RALYL: variants seen among roughly 807,000 people sequenced by gnomAD.
The protein encoded by RALYL is RALY RNA binding protein like, also known as RNA-binding Raly-like protein.
Under a neutral mutation model 35.1 loss-of-function variants are expected in RALYL, and 29 were observed. The observed-to-expected ratio is 0.83, with a 90% CI of 0.61 to 1.13. The LOEUF is 1.13. Ranked by LOEUF, RALYL falls within the 50% of genes most tolerant of loss-of-function variation. The pLI is 0.00. For synonymous variants in RALYL, 120 were observed against 127.6 expected (o/e 0.94, Z 0.40); for missense variants, 359 against 360.4 (o/e 1.00, Z 0.03).
chr8:84,428,018 A>G (rs561235540), intron 1 of RALYL, among the ~76,000 whole-genome samples: 6 of 152,134 alleles, frequency 3.9e-5, no homozygotes, highest in African/African-American at 1.2e-4. Flanking sequence ...AAAGATTGCC[A>G]GAGAGACTTT....
At chr8:84,752,976 C>T (rs1287195333) in intron 2 of RALYL, among the ~76,000 whole-genome samples, 1 of 152,148 alleles carries the variant, frequency 6.6e-6, no homozygotes, top group Non-Finnish European at 1.5e-5. Flanking sequence ...CACTGCCCTC[C>T]AGCCCCCAGA....
At chr8:84,541,302 G>C (rs775981599) in intron 2 of RALYL, among the ~76,000 whole-genome samples, 21 of 151,734 alleles carry the variant, frequency 1.4e-4, no homozygotes, top group Non-Finnish European at 2.7e-4. Context: ...CATATTTTCA[G>C]AATCATTTAG....
At chr8:84,649,753 T>C (rs1346879625) in intron 2 of RALYL, among the ~76,000 whole-genome samples, 3 of 152,146 alleles carry the variant, frequency 2.0e-5, no homozygotes, top group Non-Finnish European at 4.4e-5. Flanking sequence ...AGGATTGACT[T>C]GGTGATGTGG....
chr8:84,479,085 C>CAA (rs56799862), intron 1 of RALYL, among the ~76,000 whole-genome samples: 284 of 21,826 alleles, frequency 0.013, 99 homozygotes, highest in Non-Finnish European at 0.02. Flanking sequence ...GACTCCGTCT[C>CAA]AAAAAAAAAA....
chr8:84,203,147 GTGTT>G (rs919033525), intron 1 of RALYL, among the ~76,000 whole-genome samples: 1 of 152,168 alleles, frequency 6.6e-6, no homozygotes, highest in Non-Finnish European at 1.5e-5. Flanking sequence ...CATAAGGAGA[GTGTT>G]TGATAATGTG....
At chr8:84,204,689 A>G (rs1423404472) in intron 1 of RALYL, among the ~76,000 whole-genome samples, 2 of 152,186 alleles carry the variant, frequency 1.3e-5, no homozygotes, top group Admixed American at 1.3e-4. Context: ...TCCTAAATGT[A>G]TCTACTTTGT....
chr8:84,686,324 G>T (rs1404966479), intron 2 of RALYL, among the ~76,000 whole-genome samples: 4 of 152,104 alleles, frequency 2.6e-5, no homozygotes, highest in Non-Finnish European at 5.9e-5. Flanking sequence ...GCATAGAGGG[G>T]ACCAAGTGTG....
intron 2 of RALYL, among the ~76,000 whole-genome samples, chr8:84,707,395 C>CTT (rs1336346643): frequency 6.6e-6 from 1 of 152,086 alleles, no homozygotes; most frequent in African/African-American, 2.4e-5. Flanking sequence ...CATCTTGTGC[C>CTT]TTTACTCCTG....
intron 4 of RALYL, among the ~76,000 whole-genome samples, chr8:84,835,717 C>T (rs548156596): frequency 1.1e-3 from 172 of 150,514 alleles, no homozygotes; most frequent in Non-Finnish European, 2.2e-3. Context: ...GGACATACTT[C>T]CAGCAGAAAG....
At chr8:84,653,477 A>G (rs1333404743) in intron 2 of RALYL, among the ~76,000 whole-genome samples, 2 of 152,026 alleles carry the variant, frequency 1.3e-5, no homozygotes, top group Non-Finnish European at 2.9e-5. Context: ...CCTGAAGCAT[A>G]TTAAGCTCCC....
intron 1 of RALYL, among the ~76,000 whole-genome samples, chr8:84,428,098 T>TCA (rs1290376461): frequency 1.2e-4 from 16 of 135,876 alleles, no homozygotes; most frequent in African/African-American, 4.2e-4. Context: ...TCTCTCTCTC[T>TCA]CTCTCTCTCA....
chr8:84,397,894 T>A (rs73302504), intron 1 of RALYL, among the ~76,000 whole-genome samples: 4,486 of 152,268 alleles, frequency 0.029, 218 homozygotes, highest in African/African-American at 0.1. Context: ...AATAGCTTCT[T>A]TGCCATTAGT....
At chr8:84,503,928 C>T (rs983685395) in intron 1 of RALYL, among the ~76,000 whole-genome samples, 1 of 151,348 alleles carries the variant, frequency 6.6e-6, no homozygotes, top group African/African-American at 2.4e-5. Flanking sequence ...AAAGTAAAGA[C>T]AAAATAATCA....
chr8:84,516,184 A>C (rs1039617961), intron 1 of RALYL, among the ~76,000 whole-genome samples: 1 of 152,116 alleles, frequency 6.6e-6, no homozygotes, highest in Non-Finnish European at 1.5e-5. Flanking sequence ...AGCAATAATT[A>C]ATATCTAATA....
At chr8:84,190,120 A>G (rs1813501001) in intron 1 of RALYL, among the ~76,000 whole-genome samples, 2 of 152,194 alleles carry the variant, frequency 1.3e-5, no homozygotes, top group South Asian at 4.1e-4. Context: ...GAGCTTTTGC[A>G]GTGTGATGTG....
rs1200463791 is a variant in RALYL, at chr8:84,556,844, T to C, written c.256+27267T>C. On this transcript the variant is annotated intron_variant, in intron 2 of 8. Coordinates refer to ENST00000521268, the MANE Select transcript of RALYL (RefSeq NM_173848.7). ...GTCTCTAAGACACCTAGCACAGATC[T>C]GAACACCGACCACACCGACCAAAGC... Among the ~76,000 whole-genome samples, 3 of 152,124 alleles carry C rather than the reference T, an allele frequency of 2.0e-5. No individual in the cohort carries two copies. The East Asian group carries it at 5.8e-4, about 29-fold the overall frequency.
intron 1 of RALYL, among the ~76,000 whole-genome samples, chr8:84,197,333 C>T (rs558564500): frequency 6.6e-6 from 1 of 152,216 alleles, no homozygotes; most frequent in East Asian, 1.9e-4. Flanking sequence ...CTTATCAGAC[C>T]AGTTTCTTCT....
intron 1 of RALYL, among the ~76,000 whole-genome samples, chr8:84,223,991 T>C (rs370019216): frequency 6.6e-6 from 1 of 152,172 alleles, no homozygotes; most frequent in African/African-American, 2.4e-5. Context: ...ATATCTTCAC[T>C]TGAGTATGTG....
chr8:84,432,477 G>A (rs2132713563), intron 1 of RALYL, among the ~76,000 whole-genome samples: 1 of 152,184 alleles, frequency 6.6e-6, no homozygotes, highest in South Asian at 2.1e-4. Context: ...ATAATACTGT[G>A]TTGTATACCT....
Sources: gnomAD v4.1 joint callset for allele counts (sites outside exome capture counted in the v4.1 genomes callset) on GRCh38, gnomAD v4.1.1 for gene constraint, MANE v1.5 for transcripts, NCBI Gene and HGNC (gene_info 2026-07-23, HGNC 2026-07-21) for gene names.